MARK1: variants seen among roughly 807,000 people sequenced by gnomAD.
MARK1 encodes serine/threonine-protein kinase MARK1.
Under a neutral mutation model 96.3 loss-of-function variants are expected in MARK1, and 40 were observed. The observed-to-expected ratio is 0.42, with a 90% confidence interval of 0.32 to 0.54. The LOEUF is 0.54. MARK1 is among the 20% of genes least tolerant of loss of function. The pLI is 0.16. For missense variants in MARK1, 719 were observed against 984.6 expected (o/e 0.73, Z 3.61); for synonymous variants, 317 against 341.2 (o/e 0.93, Z 0.78).
At chr1:220,594,858 G>A (rs933322745) in intron 3 of MARK1, among the ~76,000 whole-genome samples, 1 of 152,198 alleles carries the variant, frequency 6.6e-6, no homozygotes, top group Admixed American at 6.5e-5. Flanking sequence ...GTTGCCAGAG[G>A]TTAGGGAAAA....
chr1:220,629,416 A>G (rs952752265), intron 9 of MARK1, among the ~76,000 whole-genome samples: 5 of 151,554 alleles, frequency 3.3e-5, no homozygotes, highest in African/African-American at 7.3e-5. Flanking sequence ...ACCCTCAACA[A>G]CTTCTAAGTG....
At chr1:220,651,937 A>C (rs779522179) in intron 14 of MARK1, 49 bp from the exon 15 acceptor site, 1 of 1,440,864 alleles carries the variant, frequency 6.9e-7, no homozygotes, top group African/African-American at 1.4e-5. Context: ...GTAAACCACA[A>C]ATTTTCCTCT....
intron 1 of MARK1, among the ~76,000 whole-genome samples, chr1:220,538,431 A>G (rs1276613599): frequency 6.6e-6 from 1 of 151,486 alleles, no homozygotes; most frequent in Non-Finnish European, 1.5e-5. Context: ...TGTTGCATTG[A>G]TCTATATCTC....
intron 3 of MARK1, among the ~76,000 whole-genome samples, chr1:220,584,458 G>A (rs901955625): frequency 3.3e-5 from 5 of 152,140 alleles, no homozygotes; most frequent in Non-Finnish European, 7.4e-5. Flanking sequence ...TTAAATTATT[G>A]AATTCTGAAA....
chr1:220,618,172 T>C lies in MARK1; in HGVS notation c.553-138T>C. 2 of 627,358 alleles carry C rather than the reference T, an allele frequency of 3.2e-6. No homozygotes were observed. The highest frequency in any genetic ancestry group is 4.0e-5 in the South Asian group (2 of 49,690). 38.9% of individuals were successfully genotyped at this position (627,358 alleles called of 1,614,324 possible). A position where few individuals can be genotyped will look rare whatever the true frequency, so the allele number is the denominator to read the frequency against. On this transcript the variant is annotated intron_variant, in intron 7 of 17. Transcript: ENST00000366917. This position sits in a 1 kb window ranked among gnomAD's most constrained non-coding sequence, Gnocchi z 4.6. ...AGAACAGTTATGCATTGAAGTACCA[T>C]ACTGGGCTTCTAAATTTGATACTAC...
At position 220,642,811 on chromosome 1, in the gene MARK1, T is replaced by G. The variant is rs180754626; in HGVS notation, c.1470+6785T>G. ...GCTGTTCTGCAGCCTCCACTGGTGATACCCAGGCAAACGGTCTGGAGTGGA... is the reference window on the plus strand; with the variant it reads ...GCTGTTCTGCAGCCTCCACTGGTGAGACCCAGGCAAACGGTCTGGAGTGGA... On this transcript the variant is annotated intron_variant, in intron 13 of 17. Coordinates refer to ENST00000366917, the MANE Select transcript of MARK1 (RefSeq NM_018650.5). 6.6e-4 allele frequency among the ~76,000 whole-genome samples: 100 copies of G among 152,206 alleles called. 1 individual carries two copies. Among genetic ancestry groups the G allele is most frequent in the East Asian group, 5.4e-3 (28 of 5,162 alleles).
chr1:220,591,225 A>T (rs1664961052), intron 3 of MARK1, among the ~76,000 whole-genome samples: 2 of 152,278 alleles, frequency 1.3e-5, no homozygotes, highest in South Asian at 2.1e-4. Flanking sequence ...ACACCCCAAT[A>T]CTTTTGGAGG....
At chr1:220,563,106 T>C (rs974349521) in intron 1 of MARK1, among the ~76,000 whole-genome samples, 1 of 152,184 alleles carries the variant, frequency 6.6e-6, no homozygotes, top group Non-Finnish European at 1.5e-5. Context: ...GTTCTTAGTA[T>C]GGTGCTCAAT....
At chr1:220,540,782 T>C (rs1661085836) in intron 1 of MARK1, among the ~76,000 whole-genome samples, 2 of 152,174 alleles carry the variant, frequency 1.3e-5, no homozygotes, top group Non-Finnish European at 2.9e-5. Flanking sequence ...CCAAGTCTTT[T>C]GTTGATTTTT....
chr1:220,577,221 C>G (rs565012558), intron 1 of MARK1, among the ~76,000 whole-genome samples: 23 of 152,008 alleles, frequency 1.5e-4, no homozygotes, highest in Non-Finnish European at 2.2e-4. Context: ...GAGCAGTGAT[C>G]GTGCCACTGC....
intron 13 of MARK1, among the ~76,000 whole-genome samples, chr1:220,638,810 G>A (rs1668117247): frequency 1.3e-5 from 2 of 152,044 alleles, no homozygotes; most frequent in South Asian, 2.1e-4. Flanking sequence ...AATATATTTT[G>A]TTTAATTTTA....
chr1:220,633,353 A>G (rs1185061113), intron 11 of MARK1, among the ~76,000 whole-genome samples: 1 of 151,572 alleles, frequency 6.6e-6, no homozygotes, highest in Non-Finnish European at 1.5e-5. Context: ...GAGCATTAAC[A>G]ATTTATTGGA....
chr1:220,545,806 G>C (rs1318411053), intron 1 of MARK1, among the ~76,000 whole-genome samples: 1 of 152,142 alleles, frequency 6.6e-6, no homozygotes, highest in Non-Finnish European at 1.5e-5. Flanking sequence ...GTTTGGTAAA[G>C]GGGAGACGCC....
At chr1:220,581,722 G>T (rs1481850081) in intron 3 of MARK1, among the ~76,000 whole-genome samples, 2 of 152,092 alleles carry the variant, frequency 1.3e-5, no homozygotes, top group African/African-American at 4.8e-5. Flanking sequence ...TACAAAATAA[G>T]AATGTTTCTT....
At chr1:220,550,188 A>T (rs1189892873) in intron 1 of MARK1, among the ~76,000 whole-genome samples, 1 of 152,248 alleles carries the variant, frequency 6.6e-6, no homozygotes, top group Non-Finnish European at 1.5e-5. Flanking sequence ...ATATAAAGGC[A>T]AGTCTTAAGT....
intron 2 of MARK1, among the ~76,000 whole-genome samples, chr1:220,580,132 G>A (rs529456446): frequency 1.3e-5 from 2 of 152,068 alleles, no homozygotes; most frequent in South Asian, 4.2e-4. Context: ...TTGAATAAAT[G>A]TGTAACATTT....
At position 220,602,746 on chromosome 1, in the gene MARK1, A is replaced by G. The variant is rs189174421; in HGVS notation, c.425-1321A>G. ...TTAAGTATGCTTAATATTATATAAT[A>G]TGCTGTCTAACATTGTAGATGTATT... On this transcript the variant is annotated intron_variant, in intron 5 of 17. Transcript: ENST00000366917. Among the ~76,000 whole-genome samples the G allele has an allele frequency of 1.1e-4, 17 of 152,220 alleles. No individual in the cohort carries two copies. The East Asian group carries it at 3.3e-3, about 29-fold the overall frequency.
At chr1:220,631,400 G>A (rs1387001378) in intron 10 of MARK1, among the ~76,000 whole-genome samples, 1 of 152,120 alleles carries the variant, frequency 6.6e-6, no homozygotes, top group African/African-American at 2.4e-5. Flanking sequence ...TTTCAGTGAT[G>A]CCCAGCAGGA....
intron 13 of MARK1, among the ~76,000 whole-genome samples, chr1:220,641,391 T>C (rs1668260448): frequency 6.6e-6 from 1 of 152,098 alleles, no homozygotes; most frequent in Non-Finnish European, 1.5e-5. Flanking sequence ...CCTTCTACCG[T>C]GTGAAATCAC....
Sources: allele counts gnomAD v4.1 joint callset (sites outside exome capture counted in the v4.1 genomes callset), GRCh38; gene constraint gnomAD v4.1.1; non-coding constraint Gnocchi (gnomAD v3.1); transcripts MANE v1.5; gene names NCBI Gene and HGNC (gene_info 2026-07-23, HGNC 2026-07-21).